AOPEP: variants seen among roughly 807,000 people sequenced by gnomAD.
AOPEP encodes the protein aminopeptidase O.
Under a neutral mutation model 98.1 loss-of-function variants are expected in AOPEP, and 77 were observed. That is an observed-to-expected ratio of 0.78 (90% CI 0.65 to 0.95). The LOEUF (loss-of-function observed/expected upper bound fraction) is 0.95, where lower values mean the gene tolerates loss of function less well. Ranked by LOEUF, AOPEP falls within the 40% of genes least tolerant of loss-of-function variation. The pLI, the probability that AOPEP is intolerant of heterozygous loss-of-function variation, is 0.00. For synonymous variants in AOPEP, 346 were observed against 365.3 expected (o/e 0.95, Z 0.60); for missense variants, 1,024 against 1,024.7 (o/e 1.00, Z 0.01).
At chr9:95,048,445 G>A (rs2066033467) in intron 13 of AOPEP, among the ~76,000 whole-genome samples, 1 of 151,478 alleles carries the variant, frequency 6.6e-6, no homozygotes, top group Non-Finnish European at 1.5e-5. Context: ...GCGGGGCGGG[G>A]TGAGGCGGGG....
chr9:95,128,189 C>T, the AOPEP span, among the ~76,000 whole-genome samples: 1 of 151,880 alleles, frequency 6.6e-6, no homozygotes, highest in Non-Finnish European at 1.5e-5. Context: ...GATATAAGCA[C>T]GGAAAATATA....
At chr9:95,088,727 ATCT>A (rs895486085), downstream of AOPEP, among the ~76,000 whole-genome samples, 53 of 152,216 alleles carry the variant, frequency 3.5e-4, 2 homozygotes, top group Non-Finnish European at 1.2e-4. Context: ...GCCATGCTTT[ATCT>A]TCTTTAGAAA....
At chr9:94,946,042 A>G (rs1245384566) in intron 7 of AOPEP, among the ~76,000 whole-genome samples, 1 of 152,120 alleles carries the variant, frequency 6.6e-6, no homozygotes, top group Non-Finnish European at 1.5e-5. Flanking sequence ...ACCCCGCCCC[A>G]AACAGAACAC....
At chr9:95,049,798 C>G (rs2066181126) in intron 13 of AOPEP, among the ~76,000 whole-genome samples, 1 of 152,210 alleles carries the variant, frequency 6.6e-6, no homozygotes, top group African/African-American at 2.4e-5. Context: ...ATGCCAACGC[C>G]TATGAAAAGA....
chr9:94,773,258 G>T, intron 3 of AOPEP, 90 bp downstream of exon 3: 1 of 1,177,290 alleles, frequency 8.5e-7, no homozygotes, highest in Middle Eastern at 2.3e-4. Flanking sequence ...ACTTTAAAGA[G>T]CTCCTTTATT....
chr9:94,855,426 C>T (rs1044098154), intron 5 of AOPEP, among the ~76,000 whole-genome samples: 1 of 152,224 alleles, frequency 6.6e-6, no homozygotes, highest in Non-Finnish European at 1.5e-5. Context: ...CGGTGGCTCA[C>T]GCCTGTAATC....
chr9:95,062,293 G>A (rs1424100715), intron 14 of AOPEP, among the ~76,000 whole-genome samples: 1 of 152,128 alleles, frequency 6.6e-6, no homozygotes, highest in Non-Finnish European at 1.5e-5. Flanking sequence ...ACCTGGTGGG[G>A]GCAGATTTCT....
the AOPEP span, among the ~76,000 whole-genome samples, chr9:95,144,343 T>C: frequency 1.3e-5 from 2 of 152,200 alleles, no homozygotes; most frequent in South Asian, 2.1e-4. Flanking sequence ...CTGTCCCTTA[T>C]GGATTAGCAG....
chr9:94,762,067 C>T (rs1357899578), intron 2 of AOPEP, among the ~76,000 whole-genome samples: 2 of 152,146 alleles, frequency 1.3e-5, no homozygotes, highest in Non-Finnish European at 2.9e-5. Flanking sequence ...CTCCTGAGTG[C>T]TTACTGCAAA....
rs2059624315 is a variant in AOPEP at position 94,972,995 on chromosome 9, T to C, written c.1916+5194T>C. ...CACAGCTTTGAGATCCACCCACATG[T>C]AGAGAGGGAATTTAAACATGTAAAC... On this transcript the variant is annotated intron_variant, in intron 10 of 16. Coordinates refer to ENST00000375315, the MANE Select transcript of AOPEP (RefSeq NM_001193329.3). The surrounding 1 kb of genome is among the most constrained non-coding windows in gnomAD (Gnocchi z 4.2). Among the ~76,000 whole-genome samples the C allele has an allele frequency of 6.6e-6, 1 of 151,926 alleles. No homozygotes were observed. Among genetic ancestry groups the C allele is most frequent in the South Asian group, 2.1e-4 (1 of 4,814 alleles).
chr9:95,084,233 T>C (rs187928801), intron 16 of AOPEP, among the ~76,000 whole-genome samples: 1 of 152,360 alleles, frequency 6.6e-6, no homozygotes, highest in East Asian at 1.9e-4. Context: ...AGTTTTCTTC[T>C]AATGTTTTGT....
intron 13 of AOPEP, among the ~76,000 whole-genome samples, chr9:95,038,683 A>T (rs1005605902): frequency 2.0e-5 from 3 of 152,214 alleles, no homozygotes. Flanking sequence ...GAGTCTTGTT[A>T]AGGGAGATTT....
chr9:94,892,954 A>C (rs10081676), intron 5 of AOPEP, among the ~76,000 whole-genome samples: 68,547 of 151,942 alleles, frequency 0.45, 15,791 homozygotes, highest in East Asian at 0.63. Context: ...CAGCCTCCCA[A>C]AGTGCTGGGA....
the AOPEP span, among the ~76,000 whole-genome samples, chr9:95,108,061 T>G: frequency 7.2e-5 from 11 of 152,226 alleles, no homozygotes; most frequent in Non-Finnish European, 1.5e-4. Flanking sequence ...TGAACAGCTA[T>G]GTTCCATCAC....
intron 3 of AOPEP, among the ~76,000 whole-genome samples, chr9:94,775,735 G>A (rs946741153): frequency 3.3e-5 from 5 of 152,048 alleles, no homozygotes; most frequent in African/African-American, 1.2e-4. Context: ...AGCACTTTTG[G>A]AGGCCCAGGT....
At chr9:95,126,482 G>T in the AOPEP span, 2 of 1,561,218 alleles carry the variant, frequency 1.3e-6, no homozygotes, top group South Asian at 1.1e-5. Flanking sequence ...GCTTGGAAAT[G>T]GAACCTTTTT....
chr9:95,028,703 T>C (rs2064044535), intron 13 of AOPEP, among the ~76,000 whole-genome samples: 1 of 152,188 alleles, frequency 6.6e-6, no homozygotes, highest in Non-Finnish European at 1.5e-5. Context: ...AACAGCTGTG[T>C]GTTAGTGGGG....
At chr9:94,949,489 C>T (rs1377410567) in intron 7 of AOPEP, among the ~76,000 whole-genome samples, 1 of 152,192 alleles carries the variant, frequency 6.6e-6, no homozygotes, top group Non-Finnish European at 1.5e-5. Context: ...AGGGATCCTC[C>T]TTCTGTCTTA....
Position 94,946,632 on chromosome 9 carries a change from C to A in AOPEP, c.1662-8545C>A, listed in dbSNP as rs115814682. Among the ~76,000 whole-genome samples the A allele has an allele frequency of 5.0e-3, 763 of 152,326 alleles. 8 individuals are homozygous for A. The highest frequency in any genetic ancestry group is 0.018 in the African/African-American group (730 of 41,570). ...CTTAGCTCTTATCTCCAGAATTGCA[C>A]AGAATGCGCCTTGCTCCCACCAAAA... On this transcript the variant is annotated intron_variant, in intron 7 of 16. Transcript: ENST00000375315.
Sources: allele counts gnomAD v4.1 joint callset (sites outside exome capture counted in the v4.1 genomes callset), GRCh38; gene constraint gnomAD v4.1.1; non-coding constraint Gnocchi (gnomAD v3.1); transcripts MANE v1.5; gene names NCBI Gene and HGNC (gene_info 2026-07-23, HGNC 2026-07-21).